The following GLIS3 variants were observed in gnomAD, a reference collection of about 807,000 sequenced individuals.
GLIS3 encodes the protein GLIS family zinc finger 3.
In GLIS3, 53 loss-of-function variants were observed where a neutral mutation model predicts 78.6. The ratio of observed to expected loss-of-function variants is 0.67; its 90% CI spans 0.54 to 0.85. The LOEUF is 0.85. Among genes scored for constraint, GLIS3 ranks in the 40% least tolerant of loss-of-function variants. GLIS3 has a pLI of 0.00. For missense variants in GLIS3, 1,703 were observed against 1,231.1 expected (o/e 1.38, Z -5.74); for synonymous variants, 684 against 509.9 (o/e 1.34, Z -4.60).
intron 1 of GLIS3, among the ~76,000 whole-genome samples, chr9:4,347,442 A>T (rs939335244): frequency 1.3e-5 from 2 of 152,132 alleles, no homozygotes; most frequent in African/African-American, 4.8e-5. Context: ...AAAATCTTTA[A>T]AGTATCTGGA....
intron 2 of GLIS3, among the ~76,000 whole-genome samples, chr9:4,345,151 C>A (rs1343325455): frequency 1.3e-5 from 2 of 152,184 alleles, no homozygotes; most frequent in Non-Finnish European, 2.9e-5. Flanking sequence ...AGATCCTACA[C>A]AATCTGACTC....
At chr9:4,269,104 T>G (rs1237832512) in intron 2 of GLIS3, among the ~76,000 whole-genome samples, 16 of 152,208 alleles carry the variant, frequency 1.1e-4, no homozygotes, top group Non-Finnish European at 1.5e-5. Context: ...GAATAACTCC[T>G]TATCATTAAA....
chr9:3,920,635 G>C (rs569679287), intron 6 of GLIS3, among the ~76,000 whole-genome samples: 1 of 134,276 alleles, frequency 7.4e-6, no homozygotes, highest in African/African-American at 2.8e-5. Context: ...TTTTAAAGAA[G>C]AGGTGGGGGA....
At chr9:4,255,414 A>C (rs1824829354) in intron 2 of GLIS3, among the ~76,000 whole-genome samples, 1 of 152,218 alleles carries the variant, frequency 6.6e-6, no homozygotes, top group Admixed American at 6.5e-5. Flanking sequence ...AAACCTGTAC[A>C]TAGATGTTTA....
intron 6 of GLIS3, among the ~76,000 whole-genome samples, chr9:3,914,805 T>A (rs1042771828): frequency 2.0e-5 from 3 of 152,170 alleles, no homozygotes; most frequent in African/African-American, 4.8e-5. Flanking sequence ...TGACCACGGA[T>A]TGAGTAAGTG....
At chr9:3,965,225 C>T (rs1244061891) in intron 4 of GLIS3, among the ~76,000 whole-genome samples, 4 of 114,660 alleles carry the variant, frequency 3.5e-5, no homozygotes, top group Admixed American at 1.2e-4. Flanking sequence ...GACAGAGTCT[C>T]GCTCAGTGCC....
At chr9:4,062,300 T>C (rs1826719921) in intron 4 of GLIS3, among the ~76,000 whole-genome samples, 1 of 152,170 alleles carries the variant, frequency 6.6e-6, no homozygotes, top group Non-Finnish European at 1.5e-5. Flanking sequence ...GGACCGACTG[T>C]CAGTTTCCCA....
intron 4 of GLIS3, among the ~76,000 whole-genome samples, chr9:4,105,856 A>G (rs138731438): frequency 7.0e-4 from 106 of 152,256 alleles, no homozygotes; most frequent in African/African-American, 2.4e-3. Flanking sequence ...AGGACACACA[A>G]TAGAACACGA....
chr9:4,296,055 A>G (rs556477070), intron 1 of GLIS3, among the ~76,000 whole-genome samples: 14 of 152,276 alleles, frequency 9.2e-5, no homozygotes, highest in Non-Finnish European at 1.9e-4. Flanking sequence ...TTACAATATA[A>G]TGCCCTCTAC....
intron 2 of GLIS3, among the ~76,000 whole-genome samples, chr9:4,184,089 G>C (rs1356699549): frequency 6.6e-6 from 1 of 151,980 alleles, no homozygotes. Flanking sequence ...TTTTAACTTA[G>C]GCCATTTATA....
chr9:4,396,100 A>G, the GLIS3 span, among the ~76,000 whole-genome samples: 1 of 149,684 alleles, frequency 6.7e-6, no homozygotes, highest in African/African-American at 2.5e-5. Context: ...GAATAACATC[A>G]AGGGAGGCCA....
At chr9:4,114,249 T>C (rs557035729) in intron 4 of GLIS3, among the ~76,000 whole-genome samples, 1 of 152,134 alleles carries the variant, frequency 6.6e-6, no homozygotes, top group Non-Finnish European at 1.5e-5. Flanking sequence ...TACCCAACCA[T>C]TGCACAGTCT....
At chr9:4,245,165 T>C (rs2129765761) in intron 2 of GLIS3, among the ~76,000 whole-genome samples, 1 of 152,328 alleles carries the variant, frequency 6.6e-6, no homozygotes, top group South Asian at 2.1e-4. Flanking sequence ...TTCTTAATGA[T>C]CTGAGCAACA....
At chr9:3,972,562 T>C (rs1818457892) in intron 4 of GLIS3, among the ~76,000 whole-genome samples, 1 of 152,096 alleles carries the variant, frequency 6.6e-6, no homozygotes, top group African/African-American at 2.4e-5. Context: ...AAGGGTTTTT[T>C]TTGTTTGTTT....
intron 2 of GLIS3, among the ~76,000 whole-genome samples, chr9:4,201,737 A>C (rs1195809038): frequency 1.3e-5 from 2 of 152,240 alleles, no homozygotes; most frequent in South Asian, 2.1e-4. Context: ...TGGAAGACTC[A>C]ATACCATTAC....
In GLIS3 at chr9:4,113,878, T is replaced by A. The variant is rs919538431; in HGVS notation, c.1710+3890A>T. On this transcript the variant is annotated intron_variant, in intron 4 of 10. Transcript: ENST00000381971. The stretch of plus-strand genomic sequence containing the variant: ...GGCAAAATGCCTGTGGAGAAATGAG[T>A]CAATTCATACAAAATTCAAAACTGG... 2.6e-5 allele frequency among the ~76,000 whole-genome samples: 4 copies of A among 152,112 alleles called. No individual in the cohort carries two copies. In the East Asian group the frequency reaches 7.7e-4, roughly 29 times the overall value.
chr9:4,112,881 C>G (rs963959016), intron 4 of GLIS3, among the ~76,000 whole-genome samples: 1 of 152,070 alleles, frequency 6.6e-6, no homozygotes, highest in African/African-American at 2.4e-5. Context: ...AGTTCTCTCT[C>G]TGGAAAAAAA....
At chr9:4,477,535 C>T in the GLIS3 span, among the ~76,000 whole-genome samples, 2 of 152,042 alleles carry the variant, frequency 1.3e-5, no homozygotes, top group African/African-American at 4.8e-5. Flanking sequence ...CCCCCTCGGT[C>T]TCTGGAGTAG....
At chr9:3,989,861 T>TAC (rs149272300) in intron 4 of GLIS3, among the ~76,000 whole-genome samples, 249 of 150,916 alleles carry the variant, frequency 1.6e-3, no homozygotes, top group South Asian at 3.8e-3. Context: ...GTATAGAACT[T>TAC]ACACACACAC....
Sources: gnomAD v4.1 joint callset for allele counts (sites outside exome capture counted in the v4.1 genomes callset) on GRCh38, gnomAD v4.1.1 for gene constraint, MANE v1.5 for transcripts, NCBI Gene and HGNC (gene_info 2026-07-23, HGNC 2026-07-21) for gene names.